The following FGF14 variants were observed in gnomAD, a reference collection of about 807,000 sequenced individuals.
FGF14 encodes the protein fibroblast growth factor homologous factor 4.
A neutral mutation model predicts 25.5 loss-of-function variants in FGF14; 5 were observed. That is an observed-to-expected ratio of 0.20 (90% CI 0.10 to 0.41). The LOEUF (loss-of-function observed/expected upper bound fraction) is 0.41. Ranked by LOEUF, FGF14 falls within the 10% of genes least tolerant of loss-of-function variation. The pLI is 1.00. For missense variants in FGF14, 222 were observed against 320.1 expected, an observed-to-expected ratio of 0.69 and a Z score of 2.34; for synonymous variants, 138 against 118.3, an observed-to-expected ratio of 1.17 and a Z score of -1.08.
rs899603935 is a variant in FGF14 at position 102,242,250 on chromosome 13, C to T, written c.208+159221G>A. Among the ~76,000 whole-genome samples, 4 of 152,232 alleles carry T rather than the reference C, an allele frequency of 2.6e-5. No individual in the cohort carries two copies. The East Asian group carries it at 5.8e-4, about 22-fold the overall frequency. On this transcript the variant is annotated intron_variant, in intron 1 of 4. Coordinates refer to the FGF14 transcript ENST00000376131. ...CAGAAAATATTACATTTAAGTTGCACTTAAGGTGTAAATATGACAAAAAGA... is the reference window on the plus strand; with the variant it reads ...CAGAAAATATTACATTTAAGTTGCATTTAAGGTGTAAATATGACAAAAAGA...
At chr13:101,742,244 G>T (rs1474514522) in intron 3 of FGF14, among the ~76,000 whole-genome samples, 1 of 152,078 alleles carries the variant, frequency 6.6e-6, no homozygotes, top group Non-Finnish European at 1.5e-5. Context: ...ATGACTGGTT[G>T]GTAGGTGCAT....
chr13:101,772,844 C>T (rs1346373104), intron 3 of FGF14, among the ~76,000 whole-genome samples: 2 of 152,040 alleles, frequency 1.3e-5, no homozygotes, highest in Admixed American at 6.6e-5. Flanking sequence ...GATAATTTTC[C>T]TACACAGAGC....
intron 1 of FGF14, among the ~76,000 whole-genome samples, chr13:102,035,875 C>A (rs559427642): frequency 6.6e-6 from 1 of 151,964 alleles, no homozygotes; most frequent in South Asian, 2.1e-4. Context: ...GTGCTAAAGA[C>A]AAGGATCAAA....
chr13:102,148,415 A>C (rs2046942813), intron 1 of FGF14, among the ~76,000 whole-genome samples: 1 of 152,208 alleles, frequency 6.6e-6, no homozygotes, highest in Non-Finnish European at 1.5e-5. Flanking sequence ...CCTTTTAAAA[A>C]ATGAAAAAAT....
chr13:101,781,759 G>C (rs956390131), intron 3 of FGF14, among the ~76,000 whole-genome samples: 4 of 152,166 alleles, frequency 2.6e-5, no homozygotes, highest in African/African-American at 9.7e-5. Context: ...ATGTAAAATA[G>C]TTTTTAAAGA....
intron 1 of FGF14, among the ~76,000 whole-genome samples, chr13:102,207,564 CAAT>C (rs1295506256): frequency 9.5e-6 from 1 of 105,380 alleles, no homozygotes; most frequent in South Asian, 3.1e-4. Context: ...AAAAAAATAA[CAAT>C]GACATTTTAA....
At chr13:101,771,374 C>T (rs202226913) in intron 3 of FGF14, among the ~76,000 whole-genome samples, 1 of 120,498 alleles carries the variant, frequency 8.3e-6, no homozygotes, top group Non-Finnish European at 2.0e-5. Flanking sequence ...AATGCCCCCC[C>T]ACCCAAGTAT....
chr13:101,794,458 A>T (rs865964220), intron 3 of FGF14, among the ~76,000 whole-genome samples: 43 of 152,232 alleles, frequency 2.8e-4, no homozygotes, highest in African/African-American at 1.0e-3. Context: ...ACTTATGTAC[A>T]ACACTGCCAG....
At chr13:102,301,527 G>C (rs1421709269) in intron 1 of FGF14, among the ~76,000 whole-genome samples, 1 of 152,094 alleles carries the variant, frequency 6.6e-6, no homozygotes, top group Non-Finnish European at 1.5e-5. Flanking sequence ...GTGGATTATA[G>C]TCCATGACAA....
intron 1 of FGF14, among the ~76,000 whole-genome samples, chr13:101,956,449 A>G (rs1268780085): frequency 6.6e-6 from 1 of 152,174 alleles, no homozygotes; most frequent in Non-Finnish European, 1.5e-5. Flanking sequence ...TGATCATTCC[A>G]TGAGGTGAAA....
chr13:102,141,011 T>A (rs977349800), intron 1 of FGF14, among the ~76,000 whole-genome samples: 43 of 152,154 alleles, frequency 2.8e-4, no homozygotes, highest in African/African-American at 9.7e-4. Context: ...GCCACCAAAA[T>A]TTTCTTTCCC....
At position 102,339,473 on chromosome 13, in the gene FGF14, A is replaced by ATTAAAAGTCC. The variant is rs142359750; in HGVS notation, c.208+61997_208+61998insGGACTTTTAA. On this transcript the variant is annotated intron_variant, in intron 1 of 4. Transcript: ENST00000376131. ...TAACTGAAAGATGTAAATCTCTAAA[A>ATTAAAAGTCC]TTGAAAATGTCTAACAAAATCAGTA... 3.4e-3 allele frequency among the ~76,000 whole-genome samples: 518 copies of ATTAAAAGTCC among 152,292 alleles called. 2 individuals are homozygous for ATTAAAAGTCC. The highest frequency in any genetic ancestry group is 0.012 in the African/African-American group (484 of 41,566).
intron 1 of FGF14, among the ~76,000 whole-genome samples, chr13:101,938,055 C>T (rs1002556546): frequency 1.3e-5 from 2 of 152,224 alleles, no homozygotes; most frequent in South Asian, 2.1e-4. Flanking sequence ...CAAGCAATGG[C>T]TTTATACTGG....
chr13:102,094,508 G>C (rs1272001374), intron 1 of FGF14, among the ~76,000 whole-genome samples: 2 of 152,184 alleles, frequency 1.3e-5, no homozygotes. Context: ...TTCTGGAGGG[G>C]GCAGGGAATC....
At chr13:101,919,409 T>C (rs1157936047), upstream of FGF14, among the ~76,000 whole-genome samples, 1 of 151,854 alleles carries the variant, frequency 6.6e-6, no homozygotes, top group African/African-American at 2.4e-5. Flanking sequence ...TAAAGGTTCT[T>C]TAAGCCTTTT....
chr13:102,069,426 C>T (rs1244649348), intron 1 of FGF14, among the ~76,000 whole-genome samples: 1 of 152,206 alleles, frequency 6.6e-6, no homozygotes, highest in African/African-American at 2.4e-5. Flanking sequence ...GCATTGGCAA[C>T]CCGCTCGGGT....
chr13:102,385,801 C>A (rs1366657734), intron 1 of FGF14, among the ~76,000 whole-genome samples: 1 of 152,166 alleles, frequency 6.6e-6, no homozygotes, highest in Non-Finnish European at 1.5e-5. Flanking sequence ...GTCTGGCATA[C>A]ATACACACCC....
intron 1 of FGF14, chr13:102,367,788 G>C (rs2057757643): frequency 6.6e-6 from 1 of 152,150 alleles, no homozygotes; most frequent in Non-Finnish European, 1.5e-5. Context: ...TTTAAAATGG[G>C]GGTGACAGTG....
intron 1 of FGF14, among the ~76,000 whole-genome samples, chr13:101,931,164 G>A (rs1181783068): frequency 4.6e-5 from 7 of 152,066 alleles, no homozygotes; most frequent in South Asian, 2.1e-4. Context: ...CCTCACTGAC[G>A]TTGACCCACC....
Sources: gnomAD v4.1 joint callset for allele counts (sites outside exome capture counted in the v4.1 genomes callset) on GRCh38, gnomAD v4.1.1 for gene constraint, MANE v1.5 for transcripts, NCBI Gene and HGNC (gene_info 2026-07-23, HGNC 2026-07-21) for gene names.